GUCA1C: variants seen among roughly 807,000 people sequenced by gnomAD.
The protein encoded by GUCA1C is guanylyl cyclase-activating protein 3.
Under a neutral mutation model 16.2 loss-of-function variants are expected in GUCA1C, and 15 were observed. The ratio of observed to expected loss-of-function variants is 0.93; its 90% CI spans 0.62 to 1.43. The LOEUF is 1.43. GUCA1C is among the 40% of genes most tolerant of loss of function. The pLI is 0.00. For missense variants in GUCA1C, 275 were observed against 244.8 expected, an observed-to-expected ratio of 1.12 and a Z score of -0.82; for synonymous variants, 78 against 85.4, an observed-to-expected ratio of 0.91 and a Z score of 0.48.
chr3:108,908,643 C>G (rs1946415924), intron 3 of GUCA1C, among the ~76,000 whole-genome samples: 1 of 152,206 alleles, frequency 6.6e-6, no homozygotes, highest in South Asian at 2.1e-4. Flanking sequence ...TTGGGACTGT[C>G]TAAAGCTGTG....
chr3:108,934,456 G>T (rs774767137), intron 1 of GUCA1C, among the ~76,000 whole-genome samples: 18 of 152,180 alleles, frequency 1.2e-4, no homozygotes, highest in Admixed American at 2.0e-4. Context: ...AAGCAGTTTG[G>T]AGATTTCTCA....
chr3:108,943,826 CTT>C (rs1206963391), intron 1 of GUCA1C, among the ~76,000 whole-genome samples: 3 of 152,146 alleles, frequency 2.0e-5, no homozygotes, highest in African/African-American at 7.2e-5. Flanking sequence ...ATTCTTAAGT[CTT>C]TGCGTCCTCA....
At chr3:108,909,030 G>A (rs544040408) in intron 3 of GUCA1C, among the ~76,000 whole-genome samples, 199 of 152,304 alleles carry the variant, frequency 1.3e-3, no homozygotes, top group African/African-American at 4.6e-3. Flanking sequence ...GTGCATTCAA[G>A]AACTGGAGAA....
intron 3 of GUCA1C, among the ~76,000 whole-genome samples, chr3:108,914,416 G>C (rs1946486396): frequency 6.6e-6 from 1 of 152,128 alleles, no homozygotes; most frequent in African/African-American, 2.4e-5. Flanking sequence ...TACACTATCT[G>C]TGTCCTCAAA....
At chr3:108,922,920 C>T (rs1031904664) in intron 1 of GUCA1C, among the ~76,000 whole-genome samples, 2 of 152,100 alleles carry the variant, frequency 1.3e-5, no homozygotes, top group Non-Finnish European at 2.9e-5. Context: ...GTTTTCTGTT[C>T]CTGTGTTAGT....
rs143527543 is a variant in GUCA1C at position 108,935,388 on chromosome 3, T to C, written c.205-14803A>G. On this transcript the variant is annotated intron_variant, in intron 1 of 3. Coordinates refer to ENST00000261047, the MANE Select transcript of GUCA1C (RefSeq NM_005459.4). ...AATAAAAAATATAAGCACATTTTTA[T>C]ATCTATAAAGAAAGCATAAAGGCCG... Among the ~76,000 whole-genome samples, 1,152 of 152,078 alleles carry C rather than the reference T, an allele frequency of 7.6e-3. 10 individuals are homozygous for C. The highest frequency in any genetic ancestry group is 0.026 in the African/African-American group (1,082 of 41,528).
At chr3:108,929,923 T>C (rs1034107319) in intron 1 of GUCA1C, among the ~76,000 whole-genome samples, 1 of 152,254 alleles carries the variant, frequency 6.6e-6, no homozygotes, top group African/African-American at 2.4e-5. Context: ...CTCTTTTCTA[T>C]AAAGATTTTG....
intron 1 of GUCA1C, among the ~76,000 whole-genome samples, chr3:108,940,268 G>T (rs1394222713): frequency 6.6e-6 from 1 of 152,126 alleles, no homozygotes; most frequent in Non-Finnish European, 1.5e-5. Flanking sequence ...AATATAAACC[G>T]TTAATTGTGG....
chr3:108,913,784 G>A (rs995535140), intron 3 of GUCA1C, among the ~76,000 whole-genome samples: 6 of 151,948 alleles, frequency 3.9e-5, no homozygotes, highest in Non-Finnish European at 8.8e-5. Flanking sequence ...ACAAGTTTTT[G>A]GGGCTGGGCA....
chr3:108,923,086 A>G (rs577052980), intron 1 of GUCA1C, among the ~76,000 whole-genome samples: 1 of 152,246 alleles, frequency 6.6e-6, no homozygotes, highest in South Asian at 2.1e-4. Flanking sequence ...CCTTCGTCGA[A>G]TGTACAGATT....
intron 1 of GUCA1C, among the ~76,000 whole-genome samples, chr3:108,929,749 G>A (rs899838330): frequency 1.3e-5 from 2 of 152,098 alleles, no homozygotes; most frequent in African/African-American, 4.8e-5. Flanking sequence ...TTCAGATTTT[G>A]TCCTCTTCTG....
intron 1 of GUCA1C, among the ~76,000 whole-genome samples, chr3:108,936,376 CTG>C (rs757417665): frequency 3.3e-5 from 5 of 152,262 alleles, no homozygotes; most frequent in East Asian, 1.9e-4. Flanking sequence ...GTCCTGGACA[CTG>C]TGTTAGTCAC....
upstream of GUCA1C, among the ~76,000 whole-genome samples, chr3:108,954,545 C>G (rs963640615): frequency 9.9e-5 from 15 of 152,226 alleles, no homozygotes; most frequent in Admixed American, 9.8e-4. Flanking sequence ...TCTGGCTAAT[C>G]TTGTCCTAAC....
intron 3 of GUCA1C, among the ~76,000 whole-genome samples, chr3:108,912,160 T>C (rs945005708): frequency 1.4e-5 from 2 of 139,220 alleles, no homozygotes; most frequent in Admixed American, 7.5e-5. Context: ...TCTTTTCACC[T>C]TCACCGTTTG....
At chr3:108,941,998 A>T (rs1946791017) in intron 1 of GUCA1C, among the ~76,000 whole-genome samples, 1 of 152,142 alleles carries the variant, frequency 6.6e-6, no homozygotes. Context: ...TCCTGCTCTA[A>T]TTAGAGCTGT....
intron 3 of GUCA1C, among the ~76,000 whole-genome samples, chr3:108,915,692 A>G (rs1346252448): frequency 6.6e-6 from 1 of 152,192 alleles, no homozygotes; most frequent in African/African-American, 2.4e-5. Context: ...AAAAAGCCTG[A>G]TAGTAGAAGA....
intron 1 of GUCA1C, among the ~76,000 whole-genome samples, chr3:108,939,829 C>T (rs980837962): frequency 2.0e-5 from 3 of 152,112 alleles, no homozygotes; most frequent in African/African-American, 7.2e-5. Flanking sequence ...TTAGAATCAT[C>T]AGGCAGCTTA....
At chr3:108,916,318 TG>T (rs1946511805) in intron 2 of GUCA1C, 104 bp from the exon 3 acceptor site, 2 of 1,039,094 alleles carry the variant, frequency 1.9e-6, no homozygotes, top group African/African-American at 1.6e-5. Flanking sequence ...TGTTGTCGGT[TG>T]CTATCCAACC....
chr3:108,917,919 C>T (rs931616115), intron 2 of GUCA1C, among the ~76,000 whole-genome samples: 6 of 152,102 alleles, frequency 3.9e-5, no homozygotes, highest in Non-Finnish European at 7.3e-5. Context: ...GTGGCGGGCG[C>T]CTGTAATCCT....
Sources: allele counts gnomAD v4.1 joint callset (sites outside exome capture counted in the v4.1 genomes callset), GRCh38; gene constraint gnomAD v4.1.1; transcripts MANE v1.5; gene names NCBI Gene and HGNC (gene_info 2026-07-23, HGNC 2026-07-21).